Variants in GPC5 observed in about 807,000 individuals in gnomAD.
GPC5 encodes the protein glypican 5, also known as glypican-5.
A neutral mutation model predicts 53.9 loss-of-function variants in GPC5; 47 were observed. The ratio of observed to expected loss-of-function variants is 0.87; its 90% confidence interval spans 0.69 to 1.11. GPC5 has a LOEUF of 1.11. Ranked by LOEUF, GPC5 falls within the 50% of genes most tolerant of loss-of-function variation. The pLI, the probability that GPC5 is intolerant of heterozygous loss-of-function variation, is 0.00. For missense variants in GPC5, 748 were observed against 713.1 expected (o/e 1.05, Z -0.56); for synonymous variants, 286 against 263.3 (o/e 1.09, Z -0.84).
At chr13:92,198,002 T>C (rs1358123992) in intron 7 of GPC5, among the ~76,000 whole-genome samples, 1 of 152,176 alleles carries the variant, frequency 6.6e-6, no homozygotes, top group African/African-American at 2.4e-5. Flanking sequence ...TTGCACTTGT[T>C]ATTTTCCTAT....
intron 7 of GPC5, among the ~76,000 whole-genome samples, chr13:92,764,848 TA>T (rs1875330229): frequency 6.6e-6 from 1 of 152,160 alleles, no homozygotes; most frequent in South Asian, 2.1e-4. Flanking sequence ...TGTCTAATTT[TA>T]TGGGGAAAGG....
chr13:92,487,849 A>AG (rs1334462583), intron 7 of GPC5, among the ~76,000 whole-genome samples: 11 of 135,198 alleles, frequency 8.1e-5, no homozygotes, highest in African/African-American at 1.3e-4. Flanking sequence ...GTAAAAAAAA[A>AG]AAAAAAAAAA....
chr13:92,527,249 G>GAAAGAAAGAAAGAAAGAAA, intron 7 of GPC5, among the ~76,000 whole-genome samples: 1 of 32,718 alleles, frequency 3.1e-5, no homozygotes, highest in East Asian at 1.1e-3. Context: ...AAGAAAGAAA[G>GAAAGAAAGAAAGAAAGAAA]AGAAAGAAAG....
At chr13:92,422,783 A>G (rs1046167511) in intron 7 of GPC5, among the ~76,000 whole-genome samples, 2 of 152,230 alleles carry the variant, frequency 1.3e-5, no homozygotes, top group African/African-American at 2.4e-5. Context: ...TTCTAAGACC[A>G]AAAGATATAT....
intron 7 of GPC5, among the ~76,000 whole-genome samples, chr13:92,531,831 G>A (rs1394396869): frequency 6.6e-6 from 1 of 152,162 alleles, no homozygotes; most frequent in African/African-American, 2.4e-5. Flanking sequence ...TTTTTGTCAT[G>A]AATTATGTTG....
At chr13:92,508,352 A>C (rs1447395654) in intron 7 of GPC5, among the ~76,000 whole-genome samples, 4 of 152,218 alleles carry the variant, frequency 2.6e-5, no homozygotes, top group Non-Finnish European at 4.4e-5. Context: ...AGATAGGAAA[A>C]TTTTAAAGTC....
chr13:91,419,527 C>T (rs1326358747), intron 1 of GPC5, among the ~76,000 whole-genome samples: 1 of 152,056 alleles, frequency 6.6e-6, no homozygotes, highest in Non-Finnish European at 1.5e-5. Flanking sequence ...GAGAAAGGAA[C>T]AAGAAAATTT....
chr13:92,350,273 C>G (rs1166770744), intron 7 of GPC5, among the ~76,000 whole-genome samples: 1 of 152,168 alleles, frequency 6.6e-6, no homozygotes, highest in African/African-American at 2.4e-5. Context: ...CCACAGCTAA[C>G]ACTGTACTCA....
intron 7 of GPC5, among the ~76,000 whole-genome samples, chr13:92,494,874 C>A (rs896296383): frequency 2.0e-5 from 3 of 152,156 alleles, no homozygotes; most frequent in Admixed American, 1.3e-4. Context: ...CAACCAAAAT[C>A]TATTATTGTA....
intron 7 of GPC5, among the ~76,000 whole-genome samples, chr13:92,577,855 A>G (rs1883239063): frequency 6.6e-6 from 1 of 152,216 alleles, no homozygotes; most frequent in African/African-American, 2.4e-5. Flanking sequence ...AACAAGGAGC[A>G]GAAAAAAATT....
At chr13:91,410,735 A>G (rs920666561) in intron 1 of GPC5, among the ~76,000 whole-genome samples, 2 of 152,162 alleles carry the variant, frequency 1.3e-5, no homozygotes, top group African/African-American at 4.8e-5. Flanking sequence ...TTAGGAACAT[A>G]GTCCATGTTT....
At chr13:92,356,099 T>G (rs143061724) in intron 7 of GPC5, among the ~76,000 whole-genome samples, 1 of 152,274 alleles carries the variant, frequency 6.6e-6, no homozygotes, top group East Asian at 1.9e-4. Flanking sequence ...CCTGCTCGTT[T>G]CCAAAGTCCT....
intron 5 of GPC5, among the ~76,000 whole-genome samples, chr13:91,897,719 T>C (rs2039457949): frequency 6.6e-6 from 1 of 152,204 alleles, no homozygotes; most frequent in Non-Finnish European, 1.5e-5. Context: ...AAATGTAGGT[T>C]CAATAAATGT....
chr13:91,620,710 G>T (rs2033830853), intron 2 of GPC5, among the ~76,000 whole-genome samples: 1 of 152,058 alleles, frequency 6.6e-6, no homozygotes, highest in Non-Finnish European at 1.5e-5. Flanking sequence ...AGGACTTTTT[G>T]CTAGTGAGCC....
intron 2 of GPC5, among the ~76,000 whole-genome samples, chr13:91,612,175 G>A (rs1566552070): frequency 6.6e-6 from 1 of 152,102 alleles, no homozygotes; most frequent in Non-Finnish European, 1.5e-5. Flanking sequence ...TGTTTGGCTG[G>A]GACAAGACCA....
intron 7 of GPC5, among the ~76,000 whole-genome samples, chr13:92,244,901 G>A (rs1439058282): frequency 6.6e-6 from 1 of 151,988 alleles, no homozygotes; most frequent in Non-Finnish European, 1.5e-5. Flanking sequence ...AGCTGGGTGT[G>A]GTGGTGTGTG....
At chr13:91,464,367 G>T (rs1314228153) in intron 2 of GPC5, among the ~76,000 whole-genome samples, 2 of 152,072 alleles carry the variant, frequency 1.3e-5, no homozygotes, top group African/African-American at 4.8e-5. Flanking sequence ...ATAAATGCAC[G>T]CTTGGACATT....
chr13:91,891,309 G>T, intron 5 of GPC5, among the ~76,000 whole-genome samples: 1 of 152,090 alleles, frequency 6.6e-6, no homozygotes, highest in East Asian at 1.9e-4. Context: ...TTTATGTGCT[G>T]TCTTAATGTT....
At chr13:92,473,076 G>A (rs1878972184) in intron 7 of GPC5, among the ~76,000 whole-genome samples, 1 of 151,952 alleles carries the variant, frequency 6.6e-6, no homozygotes, top group South Asian at 2.1e-4. Flanking sequence ...AAATTATTAA[G>A]GGGAATAGAG....
Sources: allele counts gnomAD v4.1 joint callset (sites outside exome capture counted in the v4.1 genomes callset), GRCh38; gene constraint gnomAD v4.1.1; transcripts MANE v1.5; gene names NCBI Gene and HGNC (gene_info 2026-07-23, HGNC 2026-07-21).